The following FAM222B variants were observed in gnomAD, a reference collection of about 807,000 sequenced individuals.
The protein encoded by FAM222B is family with sequence similarity 222 member B, also known as protein FAM222B.
Under a neutral mutation model 38.0 loss-of-function variants are expected in FAM222B, and 12 were observed. The observed-to-expected ratio is 0.32, with a 90% confidence interval of 0.20 to 0.51. FAM222B has a LOEUF of 0.51. Among genes scored for constraint, FAM222B ranks in the 20% least tolerant of loss-of-function variants. The pLI, the probability that FAM222B is intolerant of heterozygous loss-of-function variation, is 0.97. For synonymous variants in FAM222B, 329 were observed against 317.2 expected (o/e 1.04, Z -0.40); for missense variants, 716 against 754.2 (o/e 0.95, Z 0.59).
chr17:28,805,351 A>G (rs966830471), intron 1 of FAM222B, among the ~76,000 whole-genome samples: 1 of 152,212 alleles, frequency 6.6e-6, no homozygotes, highest in Non-Finnish European at 1.5e-5. Context: ...CCTGGCCAAC[A>G]TGGTGAAACC....
chr17:28,824,037 C>T (rs1206894599), intron 1 of FAM222B, among the ~76,000 whole-genome samples: 1 of 152,004 alleles, frequency 6.6e-6, no homozygotes, highest in Non-Finnish European at 1.5e-5. Context: ...GCCACCACAC[C>T]CAGCTCATTT....
chr17:28,763,206 G>C (rs1030578781), intron 2 of FAM222B, among the ~76,000 whole-genome samples: 3 of 152,202 alleles, frequency 2.0e-5, no homozygotes, highest in Non-Finnish European at 2.9e-5. Context: ...CTGAGAGCCT[G>C]TCATTCCTCA....
intron 1 of FAM222B, among the ~76,000 whole-genome samples, chr17:28,788,934 A>G (rs2151863409): frequency 6.6e-6 from 1 of 151,584 alleles, no homozygotes; most frequent in Non-Finnish European, 1.5e-5. Flanking sequence ...TTTAGTAGAG[A>G]TGGGGTTTCA....
intron 1 of FAM222B, among the ~76,000 whole-genome samples, chr17:28,841,251 T>A (rs1225817265): frequency 6.6e-6 from 1 of 152,022 alleles, no homozygotes; most frequent in Non-Finnish European, 1.5e-5. Flanking sequence ...GCCGAGATGA[T>A]GCCACTGCAC....
chr17:28,760,331 T>C (rs1452170536), intron 2 of FAM222B, among the ~76,000 whole-genome samples: 2 of 152,012 alleles, frequency 1.3e-5, no homozygotes, highest in African/African-American at 4.8e-5. Context: ...TCCCAGCATT[T>C]TGGGAGGCCA....
chr17:28,816,460 T>C (rs2038027977), intron 1 of FAM222B, among the ~76,000 whole-genome samples: 1 of 152,062 alleles, frequency 6.6e-6, no homozygotes, highest in African/African-American at 2.4e-5. Flanking sequence ...AAAAATTAGT[T>C]TAGGTAATAT....
intron 1 of FAM222B, among the ~76,000 whole-genome samples, chr17:28,834,538 A>C (rs1189962073): frequency 1.3e-5 from 2 of 151,792 alleles, no homozygotes; most frequent in African/African-American, 2.4e-5. Context: ...TTTTTTGCTG[A>C]CTCAGCCAAA....
chr17:28,808,340 C>T (rs1276787625), intron 1 of FAM222B, among the ~76,000 whole-genome samples: 4 of 152,160 alleles, frequency 2.6e-5, no homozygotes, highest in African/African-American at 9.7e-5. Flanking sequence ...GAAGAGAGAA[C>T]CATACATCAT....
chr17:28,797,492 T>G (rs1597949019), intron 1 of FAM222B, among the ~76,000 whole-genome samples: 2 of 152,184 alleles, frequency 1.3e-5, no homozygotes, highest in African/African-American at 4.8e-5. Flanking sequence ...AGAGAAATAC[T>G]GAAGCAAAAG....
At chr17:28,760,278 C>T (rs1430611388) in intron 2 of FAM222B, among the ~76,000 whole-genome samples, 1 of 152,082 alleles carries the variant, frequency 6.6e-6, no homozygotes, top group African/African-American at 2.4e-5. Flanking sequence ...TCCCCCTACA[C>T]AGAAATTCAG....
intron 1 of FAM222B, among the ~76,000 whole-genome samples, chr17:28,770,444 C>A (rs141418110): frequency 3.9e-5 from 6 of 152,208 alleles, no homozygotes; most frequent in Non-Finnish European, 7.4e-5. Context: ...AGCCTATCAG[C>A]CAGGCTGGAG....
At chr17:28,797,728 A>G (rs1348347630) in intron 1 of FAM222B, among the ~76,000 whole-genome samples, 1 of 152,166 alleles carries the variant, frequency 6.6e-6, no homozygotes, top group Non-Finnish European at 1.5e-5. Context: ...CCTTTGAGAT[A>G]GGTTGGGTAT....
At position 28,759,226 on chromosome 17, in the gene FAM222B, A is replaced by T. The variant is rs1261136651; in HGVS notation, c.733T>A (p.Ser245Thr). 4 of 1,613,498 alleles carry T rather than the reference A, an allele frequency of 2.5e-6. No individual in the cohort carries two copies. In the South Asian group the frequency reaches 4.4e-5, roughly 18 times the overall value. Residue 245 changes from serine to threonine, a missense_variant, in exon 3 of 3, where the codon TCT (serine) becomes ACT (threonine). Ser to Thr is a moderately conservative substitution (Grantham distance 58). Coordinates refer to ENST00000581407, the MANE Select transcript of FAM222B (RefSeq NM_001077498.3). The surrounding 1 kb of genome is among the most constrained non-coding windows in gnomAD (Gnocchi z 4.8). ...DSDAPPNVTV[S>T]TSTIPLSMAA... ...ATTGAAAGGGGGATAGTTGAGGTAG[A>T]CACGGTCACATTCGGGGGGGCATCT...
chr17:28,804,765 G>A lies in FAM222B; in HGVS notation c.-41+37917C>T, dbSNP rs548414242. Among the ~76,000 whole-genome samples the A allele has an allele frequency of 2.0e-4, 31 of 151,944 alleles. No individual in the cohort carries two copies. The South Asian group carries it at 3.3e-3, about 16-fold the overall frequency. On this transcript the variant is annotated intron_variant, in intron 1 of 2. Coordinates refer to ENST00000581407, the MANE Select transcript of FAM222B (RefSeq NM_001077498.3). ...ATGATTAAGAAACTAAGTGCAGGCC[G>A]GGTGCGGTGGCTCACGCCTATAATC...
chr17:28,796,994 CTTT>C (rs34242589), intron 1 of FAM222B, among the ~76,000 whole-genome samples: 2 of 81,596 alleles, frequency 2.5e-5, no homozygotes, highest in African/African-American at 4.9e-5. Context: ...GTGGCTATTG[CTTT>C]TTTTTTTTTT....
At chr17:28,775,795 C>T (rs2035860921) in intron 1 of FAM222B, among the ~76,000 whole-genome samples, 2 of 150,958 alleles carry the variant, frequency 1.3e-5, no homozygotes, top group African/African-American at 4.9e-5. Flanking sequence ...GCAGGAGAAT[C>T]ACTTGAACCC....
At chr17:28,838,309 G>A (rs531214723) in intron 1 of FAM222B, among the ~76,000 whole-genome samples, 4 of 149,240 alleles carry the variant, frequency 2.7e-5, no homozygotes, top group African/African-American at 9.9e-5. Flanking sequence ...GGCCGGGCGC[G>A]GTGGCTCACG....
At chr17:28,825,378 G>A (rs1286872785) in intron 1 of FAM222B, among the ~76,000 whole-genome samples, 1 of 136,014 alleles carries the variant, frequency 7.4e-6, no homozygotes, top group Non-Finnish European at 1.5e-5. Context: ...AGGTTACGGG[G>A]AACCAAGATT....
intron 1 of FAM222B, among the ~76,000 whole-genome samples, chr17:28,836,987 G>A (rs988867377): frequency 1.3e-5 from 2 of 151,984 alleles, no homozygotes; most frequent in Middle Eastern, 3.4e-3. Flanking sequence ...GCATAGTGGC[G>A]GGCACCTGTA....
Sources: gnomAD v4.1 joint callset for allele counts (sites outside exome capture counted in the v4.1 genomes callset) on GRCh38, gnomAD v4.1.1 for gene constraint, Gnocchi (gnomAD v3.1) non-coding constraint, MANE v1.5 for transcripts, NCBI Gene and HGNC (gene_info 2026-07-23, HGNC 2026-07-21) for gene names.